Variants in PRDM5 observed in about 807,000 individuals in gnomAD.
The protein encoded by PRDM5 is PR domain zinc finger protein 5.
Under a neutral mutation model 81.2 loss-of-function variants are expected in PRDM5, and 56 were observed. The ratio of observed to expected loss-of-function variants is 0.69; its 90% CI spans 0.56 to 0.86. The LOEUF (loss-of-function observed/expected upper bound fraction) is 0.86. Among genes scored for constraint, PRDM5 ranks in the 40% least tolerant of loss-of-function variants. The pLI is 0.00. For missense variants in PRDM5, 697 were observed against 770.1 expected, an observed-to-expected ratio of 0.91 and a Z score of 1.12; for synonymous variants, 267 against 256.4, an observed-to-expected ratio of 1.04 and a Z score of -0.39.
intron 2 of PRDM5, among the ~76,000 whole-genome samples, chr4:120,862,371 A>G (rs1315203122): frequency 6.6e-6 from 1 of 152,238 alleles, no homozygotes; most frequent in Non-Finnish European, 1.5e-5. Context: ...AAAGCAATGT[A>G]CTGATCACTA....
At chr4:120,921,084 T>A (rs770472642) in intron 1 of PRDM5, among the ~76,000 whole-genome samples, 2 of 152,234 alleles carry the variant, frequency 1.3e-5, no homozygotes, top group Admixed American at 6.5e-5. Context: ...ACAGTACTCT[T>A]CATAACATTA....
rs879204443 is a variant in PRDM5, at chr4:120,853,322, G to A, written c.300+96C>T. 1.9e-5 allele frequency: 29 copies of A among 1,553,208 alleles called. 1 individual carries two copies. In the South Asian group the frequency reaches 3.2e-4, roughly 17 times the overall value. ...TATGAGTTACTGTTATTTGAAGGAGGTCATTGGGAAACAAATTTAAAACAG... is the reference window on the plus strand; with the variant it reads ...TATGAGTTACTGTTATTTGAAGGAGATCATTGGGAAACAAATTTAAAACAG... On this transcript the variant is annotated intron_variant, in intron 3 of 15. Coordinates refer to ENST00000264808, the MANE Select transcript of PRDM5 (RefSeq NM_018699.4).
At chr4:120,798,068 C>T (rs1000154732) in intron 10 of PRDM5, among the ~76,000 whole-genome samples, 199 bp downstream of exon 10, 10 of 152,096 alleles carry the variant, frequency 6.6e-5, no homozygotes, top group African/African-American at 1.7e-4. Flanking sequence ...ACTAGGCACT[C>T]TGCTTATAAG....
chr4:120,754,729 A>T (rs2149154733), intron 13 of PRDM5, 91 bp from the exon 14 acceptor site: 1 of 873,640 alleles, frequency 1.1e-6, no homozygotes, highest in East Asian at 2.5e-5. Flanking sequence ...GATCCTGGCC[A>T]CCGCATATGC....
At chr4:120,728,928 A>C (rs543522847) in intron 14 of PRDM5, among the ~76,000 whole-genome samples, 53 of 152,350 alleles carry the variant, frequency 3.5e-4, no homozygotes, top group African/African-American at 1.2e-3. Flanking sequence ...AGAGACAAAA[A>C]CTGAAGGTAA....
chr4:120,702,227 A>T (rs534474082), intron 15 of PRDM5, among the ~76,000 whole-genome samples: 62 of 152,268 alleles, frequency 4.1e-4, no homozygotes, highest in African/African-American at 1.3e-3. Flanking sequence ...GAAAACACAA[A>T]TGTCACAATA....
chr4:120,909,762 T>C (rs1005473810), intron 1 of PRDM5, among the ~76,000 whole-genome samples: 12 of 152,114 alleles, frequency 7.9e-5, no homozygotes, highest in African/African-American at 2.9e-4. Context: ...AGTAAGATTA[T>C]TAAAAGACTT....
chr4:120,817,290 C>A (rs968802638), intron 5 of PRDM5, among the ~76,000 whole-genome samples: 1 of 152,052 alleles, frequency 6.6e-6, no homozygotes, highest in Non-Finnish European at 1.5e-5. Flanking sequence ...GCACAATTTT[C>A]ATCTCAATTT....
At chr4:120,721,054 A>G (rs1283486155) in intron 14 of PRDM5, among the ~76,000 whole-genome samples, 1 of 152,184 alleles carries the variant, frequency 6.6e-6, no homozygotes, top group Non-Finnish European at 1.5e-5. Context: ...TAGTGTGTAT[A>G]AATGAAATGG....
chr4:120,711,520 G>A (rs1378661395), intron 14 of PRDM5, among the ~76,000 whole-genome samples: 1 of 150,636 alleles, frequency 6.6e-6, no homozygotes, highest in African/African-American at 2.4e-5. Flanking sequence ...ATGTTGACCA[G>A]GCTGGTCTCA....
chr4:120,831,733 A>G (rs1756742253), intron 3 of PRDM5, among the ~76,000 whole-genome samples: 1 of 152,148 alleles, frequency 6.6e-6, no homozygotes, highest in East Asian at 1.9e-4. Flanking sequence ...AAAAAATATG[A>G]CAGCAAATGC....
intron 2 of PRDM5, among the ~76,000 whole-genome samples, chr4:120,855,566 C>T (rs966888892): frequency 1.3e-5 from 2 of 152,198 alleles, no homozygotes; most frequent in African/African-American, 4.8e-5. Context: ...ACACTCTACA[C>T]CTCTGCCTCA....
At chr4:120,889,216 TA>T (rs1763788110) in intron 2 of PRDM5, among the ~76,000 whole-genome samples, 1 of 152,194 alleles carries the variant, frequency 6.6e-6, no homozygotes, top group African/African-American at 2.4e-5. Flanking sequence ...TGTTTACATT[TA>T]CAATAATATT....
chr4:120,839,331 G>T, intron 3 of PRDM5: 1 of 702,432 alleles, frequency 1.4e-6, no homozygotes, highest in South Asian at 1.5e-5. Context: ...AGATGAAGAG[G>T]AACTTCATTG....
intron 13 of PRDM5, among the ~76,000 whole-genome samples, chr4:120,774,635 A>G (rs1281045781): frequency 6.6e-6 from 1 of 152,178 alleles, no homozygotes; most frequent in African/African-American, 2.4e-5. Flanking sequence ...ATGGAGGCCC[A>G]GATGCCAGCC....
chr4:120,801,887 A>ATATG (rs1752163890), intron 8 of PRDM5, among the ~76,000 whole-genome samples: 1 of 141,128 alleles, frequency 7.1e-6, no homozygotes, highest in Non-Finnish European at 1.6e-5. Flanking sequence ...TAATATATAT[A>ATATG]ATTTTATAAT....
chr4:120,724,281 A>C (rs1739079073), intron 14 of PRDM5, among the ~76,000 whole-genome samples: 2 of 152,202 alleles, frequency 1.3e-5, no homozygotes, highest in Admixed American at 1.3e-4. Context: ...AAAAAGGTTT[A>C]AAATGGGGTC....
intron 14 of PRDM5, among the ~76,000 whole-genome samples, chr4:120,721,592 C>A (rs1469353127): frequency 6.6e-6 from 1 of 151,104 alleles, no homozygotes; most frequent in Non-Finnish European, 1.5e-5. Flanking sequence ...TTTCTGCTGG[C>A]TGGCAAAGTG....
intron 2 of PRDM5, among the ~76,000 whole-genome samples, chr4:120,868,800 T>C (rs181790570): frequency 6.6e-6 from 1 of 152,288 alleles, no homozygotes; most frequent in African/African-American, 2.4e-5. Flanking sequence ...ATTTTGTTTA[T>C]GGAGAACTAA....
Sources: gnomAD v4.1 joint callset for allele counts (sites outside exome capture counted in the v4.1 genomes callset) on GRCh38, gnomAD v4.1.1 for gene constraint, MANE v1.5 for transcripts, NCBI Gene and HGNC (gene_info 2026-07-23, HGNC 2026-07-21) for gene names.